Variants in SEMA3A observed in about 807,000 individuals in gnomAD.
SEMA3A encodes semaphorin 3A.
Under a neutral mutation model 97.9 loss-of-function variants are expected in SEMA3A, and 29 were observed. The ratio of observed to expected loss-of-function variants is 0.30; its 90% CI spans 0.22 to 0.40. The LOEUF (loss-of-function observed/expected upper bound fraction) is 0.40. Among genes scored for constraint, SEMA3A ranks in the 10% least tolerant of loss-of-function variants. The probability of loss-of-function intolerance (pLI) is 1.00; values close to 1 mark genes in which losing one functional copy is unlikely to be tolerated. For missense variants in SEMA3A, 763 were observed against 951.3 expected (o/e 0.80, Z 2.60); for synonymous variants, 321 against 323.7 (o/e 0.99, Z 0.09).
intron 1 of SEMA3A, among the ~76,000 whole-genome samples, chr7:84,467,871 G>A (rs1328659286): frequency 6.6e-6 from 1 of 152,044 alleles, no homozygotes; most frequent in Admixed American, 6.5e-5. Context: ...ACATGCCTGT[G>A]TATAACATTA....
chr7:83,994,366 C>A lies in SEMA3A; in HGVS notation c.1452+7589G>T, dbSNP rs1481209731. 1.7e-5 allele frequency among the ~76,000 whole-genome samples: 2 copies of A among 118,782 alleles called. 1 individual carries two copies. The highest frequency in any genetic ancestry group is 6.3e-5 in the African/African-American group (2 of 31,998). The allele number at this position is 118,782 out of a possible 152,430, so 77.9% of individuals were successfully genotyped here. A position where few individuals can be genotyped will look rare whatever the true frequency, so the allele number is the denominator to read the frequency against. ...TTGTTCCGTTGCTGGTGAGGAACTG[C>A]GTTCCTTGGGAGGAGGAGAGGTGCT... is the stretch of plus-strand genomic sequence containing the variant. On this transcript the variant is annotated intron_variant, in intron 12 of 16. Coordinates refer to ENST00000265362, the MANE Select transcript of SEMA3A (RefSeq NM_006080.3).
chr7:83,969,532 T>G (rs76179870), intron 15 of SEMA3A, among the ~76,000 whole-genome samples: 3,788 of 152,262 alleles, frequency 0.025, 164 homozygotes, highest in African/African-American at 0.086. Context: ...GGTAACACAT[T>G]GAATTTAAAA....
At chr7:84,110,695 T>A in intron 3 of SEMA3A, 106 bp from the exon 4 acceptor site, 2 of 1,152,354 alleles carry the variant, frequency 1.7e-6, no homozygotes, top group Non-Finnish European at 2.4e-6. Context: ...TTTTCTTTCT[T>A]TTTTTTTTTT....
At chr7:84,372,012 A>G (rs1288635242) in intron 1 of SEMA3A, 1 of 152,112 alleles carries the variant, frequency 6.6e-6, no homozygotes, top group Non-Finnish European at 1.5e-5. Flanking sequence ...TCCTATTGCC[A>G]GCAGACTCTT....
At chr7:84,158,261 T>C (rs930560756) in intron 1 of SEMA3A, among the ~76,000 whole-genome samples, 3 of 150,708 alleles carry the variant, frequency 2.0e-5, no homozygotes, top group African/African-American at 7.4e-5. Context: ...TTCAAGTGAT[T>C]CTCCCACCTC....
chr7:84,184,333 G>A (rs1797814016), intron 1 of SEMA3A, among the ~76,000 whole-genome samples: 1 of 152,156 alleles, frequency 6.6e-6, no homozygotes, highest in Admixed American at 6.6e-5. Flanking sequence ...GGCACCTTGG[G>A]AAGTAAAAGA....
At chr7:84,135,010 C>A in intron 1 of SEMA3A, 59 bp from the exon 2 acceptor site, 1 of 1,408,002 alleles carries the variant, frequency 7.1e-7, no homozygotes, top group Non-Finnish European at 9.9e-7. Context: ...TAAGCATAGA[C>A]TGTTGGTACA....
intron 1 of SEMA3A, among the ~76,000 whole-genome samples, chr7:84,381,534 C>A (rs1390415102): frequency 6.6e-6 from 1 of 152,114 alleles, no homozygotes; most frequent in African/African-American, 2.4e-5. Flanking sequence ...CATACAGAAA[C>A]CTAAATGTTT....
chr7:84,306,793 A>T (rs1801167256), intron 3 of SEMA3A, among the ~76,000 whole-genome samples: 1 of 152,112 alleles, frequency 6.6e-6, no homozygotes, highest in African/African-American at 2.4e-5. Flanking sequence ...TGGATTCTGG[A>T]TGATAGTAAC....
At chr7:84,460,259 A>T (rs1805794555) in intron 1 of SEMA3A, among the ~76,000 whole-genome samples, 1 of 152,170 alleles carries the variant, frequency 6.6e-6, no homozygotes, top group Non-Finnish European at 1.5e-5. Flanking sequence ...AAATACATCA[A>T]TGGGATAAAA....
At chr7:84,360,752 G>C (rs555330550) in intron 2 of SEMA3A, among the ~76,000 whole-genome samples, 2 of 152,058 alleles carry the variant, frequency 1.3e-5, no homozygotes, top group South Asian at 4.2e-4. Context: ...ATTTTGGCCA[G>C]CTATCCCTAC....
At chr7:84,425,073 A>G (rs1804758044) in intron 1 of SEMA3A, among the ~76,000 whole-genome samples, 2 of 106,938 alleles carry the variant, frequency 1.9e-5, no homozygotes, top group Admixed American at 2.6e-4. Flanking sequence ...ATTTATAAAT[A>G]TAATTTATAT....
In SEMA3A at chr7:84,046,457, A is replaced by G; in HGVS notation, c.548-14T>C. 2 of 1,612,362 alleles carry G rather than the reference A, an allele frequency of 1.2e-6. No individual in the cohort carries two copies. Among genetic ancestry groups the G allele is most frequent in the South Asian group, 2.2e-5 (2 of 90,948 alleles). The stretch of plus-strand genomic sequence containing the variant: ...ATAATTCTCCATCTGTGTTGTGACA[A>G]AACCACATACACATTCTTTAATTCA... On this transcript the variant is annotated splice_polypyrimidine_tract_variant and intron_variant, in intron 5 of 16. Coordinates refer to ENST00000265362, the MANE Select transcript of SEMA3A (RefSeq NM_006080.3).
At chr7:84,067,124 T>C (rs1294706097) in intron 4 of SEMA3A, among the ~76,000 whole-genome samples, 1 of 152,148 alleles carries the variant, frequency 6.6e-6, no homozygotes. Context: ...GCTGCATATC[T>C]ACAAGTATCT....
At position 83,981,547 on chromosome 7, in the gene SEMA3A, G is replaced by A. The variant is rs574692442; in HGVS notation, c.1495-69C>T. On this transcript the variant is annotated intron_variant, in intron 13 of 16. Coordinates refer to ENST00000265362, the MANE Select transcript of SEMA3A (RefSeq NM_006080.3). ...TTAAATCTCTTGTTCTCTTAAAAAA[G>A]AGTTTATTTATATATAACTTCTCAG... is the stretch of plus-strand genomic sequence containing the variant. 393 of 1,284,586 alleles carry A rather than the reference G, an allele frequency of 3.1e-4. 6 individuals carry two copies. The South Asian group carries it at 6.5e-3, about 21-fold the overall frequency. The allele number at this position is 1,284,586 out of a possible 1,614,324, so 79.6% of individuals were successfully genotyped here. A position where few individuals can be genotyped will look rare whatever the true frequency, so the allele number is the denominator to read the frequency against.
chr7:84,110,947 A>G (rs2115942420), intron 3 of SEMA3A, among the ~76,000 whole-genome samples: 1 of 152,270 alleles, frequency 6.6e-6, no homozygotes, highest in African/African-American at 2.4e-5. Context: ...TTACTTGATT[A>G]ACTAATGAAT....
chr7:84,241,395 A>C (rs1273304215), intron 3 of SEMA3A, among the ~76,000 whole-genome samples: 3 of 152,120 alleles, frequency 2.0e-5, no homozygotes, highest in Non-Finnish European at 4.4e-5. Context: ...TGACCGCATA[A>C]ATGTCTTCTT....
intron 15 of SEMA3A, among the ~76,000 whole-genome samples, chr7:83,965,877 C>T (rs1255294941): frequency 6.7e-6 from 1 of 149,658 alleles, no homozygotes; most frequent in Non-Finnish European, 1.5e-5. Context: ...GGCAGGGTTT[C>T]AACGTGTTAG....
At chr7:84,173,453 G>A (rs1797456695) in intron 1 of SEMA3A, among the ~76,000 whole-genome samples, 1 of 151,308 alleles carries the variant, frequency 6.6e-6, no homozygotes, top group African/African-American at 2.4e-5. Flanking sequence ...CAGCTACTCA[G>A]GAAGCTGAGA....
Sources: allele counts gnomAD v4.1 joint callset (sites outside exome capture counted in the v4.1 genomes callset), GRCh38; gene constraint gnomAD v4.1.1; transcripts MANE v1.5; gene names NCBI Gene and HGNC (gene_info 2026-07-23, HGNC 2026-07-21).